NCS1: variants seen among roughly 807,000 people sequenced by gnomAD.
NCS1 encodes the protein neuronal calcium sensor 1, also known as frequenin homolog.
A neutral mutation model predicts 28.4 loss-of-function variants in NCS1; 6 were observed. The observed-to-expected ratio is 0.21, with a 90% CI of 0.12 to 0.42. The LOEUF is 0.42. Among genes scored for constraint, NCS1 ranks in the 10% least tolerant of loss-of-function variants. The probability of loss-of-function intolerance (pLI) is 1.00; values close to 1 mark genes in which losing one functional copy is unlikely to be tolerated. For synonymous variants in NCS1, 86 were observed against 99.3 expected (o/e 0.87, Z 0.79); for missense variants, 131 against 241.4 (o/e 0.54, Z 3.03).
intron 2 of NCS1, among the ~76,000 whole-genome samples, chr9:130,203,536 C>T (rs1230392941): frequency 2.6e-5 from 4 of 152,094 alleles, no homozygotes; most frequent in East Asian, 1.9e-4. Context: ...GCTGGGTGGC[C>T]GGTAAGGGAC....
At chr9:130,217,381 G>T (rs1228415186) in intron 2 of NCS1, among the ~76,000 whole-genome samples, 1 of 152,176 alleles carries the variant, frequency 6.6e-6, no homozygotes, top group African/African-American at 2.4e-5. Context: ...TCCATATGGT[G>T]GTCTACCCAC....
intron 1 of NCS1, among the ~76,000 whole-genome samples, chr9:130,183,816 C>G (rs1199691058): frequency 7.1e-5 from 9 of 125,926 alleles, no homozygotes; most frequent in Non-Finnish European, 1.4e-4. Context: ...TCTTTTCTTT[C>G]TTTTTTTTTT....
intron 1 of NCS1, chr9:130,200,563 C>T: frequency 6.4e-7 from 1 of 1,551,672 alleles, no homozygotes; most frequent in Non-Finnish European, 8.7e-7. Flanking sequence ...CTGGGGAAGC[C>T]AGGGCCTTCC....
intron 2 of NCS1, among the ~76,000 whole-genome samples, chr9:130,201,218 G>A (rs797025947): frequency 7.2e-5 from 11 of 152,308 alleles, no homozygotes; most frequent in African/African-American, 2.6e-4. Context: ...CTTGCTTTGA[G>A]TTGCATCTTT....
At chr9:130,227,407 G>A (rs1833430722) in intron 7 of NCS1, among the ~76,000 whole-genome samples, 1 of 152,186 alleles carries the variant, frequency 6.6e-6, no homozygotes, top group Non-Finnish European at 1.5e-5. Flanking sequence ...CCTGCTGTTG[G>A]TGTATATGTA....
In NCS1 at chr9:130,224,569, AT is replaced by A. The variant is rs200878480; in HGVS notation, c.474+1411del. ...GTGAGACTGTCTCAAAAGAAAAAAA[AT>A]AAAATAAAAGGAACCATAGACACTG... On this transcript the variant is annotated intron_variant, in intron 6 of 7. Coordinates refer to ENST00000372398, the MANE Select transcript of NCS1 (RefSeq NM_014286.4). Among the ~76,000 whole-genome samples the A allele has an allele frequency of 8.0e-3, 1,177 of 147,818 alleles. 25 individuals carry two copies. Among genetic ancestry groups the A allele is most frequent in the African/African-American group, 0.025 (1,009 of 40,336 alleles).
rs1294532298 is a variant in NCS1 at position 130,181,613 on chromosome 9, C to T, written c.64+8886C>T. Among the ~76,000 whole-genome samples the T allele has an allele frequency of 6.6e-6, 1 of 152,170 alleles. No homozygotes were observed. The highest frequency in any genetic ancestry group is 1.5e-5 in the Non-Finnish European group (1 of 68,024). Reference sequence around the variant, plus strand: ...TGCCATTGGGGTCTGATCCCCGTCCCCTCTCAGCCTGGAGTCTGCACACTG... The same window carrying T: ...TGCCATTGGGGTCTGATCCCCGTCCTCTCTCAGCCTGGAGTCTGCACACTG... On this transcript the variant is annotated intron_variant, in intron 1 of 7. Coordinates refer to ENST00000372398, the MANE Select transcript of NCS1 (RefSeq NM_014286.4). The surrounding 1 kb of genome is among the most constrained non-coding windows in gnomAD (Gnocchi z 5.0).
At chr9:130,227,464 G>A (rs542057879) in intron 7 of NCS1, among the ~76,000 whole-genome samples, 11 of 152,346 alleles carry the variant, frequency 7.2e-5, no homozygotes, top group Middle Eastern at 3.4e-3. Flanking sequence ...TTTAGCTTTG[G>A]TAGTTACTAG....
rs772195304 is a variant in NCS1 at position 130,217,425 on chromosome 9, A to C, written c.90-407A>C. ...GCAGCAGCCCACCCAGCCTGATGCC[A>C]GGAGGGGCTCAGCAGAGAAGGTGGG... On this transcript the variant is annotated intron_variant, in intron 2 of 7. Coordinates refer to ENST00000372398, the MANE Select transcript of NCS1 (RefSeq NM_014286.4). 5.3e-4 allele frequency among the ~76,000 whole-genome samples: 80 copies of C among 152,160 alleles called. 1 individual carries two copies. Among genetic ancestry groups the C allele is most frequent in the Non-Finnish European group, 9.7e-4 (66 of 68,036 alleles).
At chr9:130,225,469 G>A (rs1833398936) in intron 6 of NCS1, among the ~76,000 whole-genome samples, 1 of 152,268 alleles carries the variant, frequency 6.6e-6, no homozygotes, top group Non-Finnish European at 1.5e-5. Flanking sequence ...TTAAGGCCAA[G>A]GCCGCACATT....
chr9:130,202,354 A>AACCCCCCCCCCCCCCCCCCCG (rs1832961610), intron 2 of NCS1, among the ~76,000 whole-genome samples: 1 of 113,338 alleles, frequency 8.8e-6, no homozygotes, highest in Non-Finnish European at 1.8e-5. Context: ...CCTCCCCCCC[A>AACCCCCCCCCCCCCCCCCCCG]CCCCCTGAAA....
intron 2 of NCS1, among the ~76,000 whole-genome samples, chr9:130,208,430 C>T (rs1030034974): frequency 6.6e-6 from 1 of 151,990 alleles, no homozygotes; most frequent in East Asian, 1.9e-4. Context: ...AGGCACCCAC[C>T]ACCACGCCTG....
intron 4 of NCS1, among the ~76,000 whole-genome samples, chr9:130,220,068 A>T (rs545125202): frequency 6.6e-6 from 1 of 152,130 alleles, no homozygotes; most frequent in Admixed American, 6.5e-5. Flanking sequence ...TCCTGGAGGC[A>T]CCGGCAGCAG....
intron 7 of NCS1, among the ~76,000 whole-genome samples, chr9:130,229,248 C>T (rs1225494793): frequency 6.7e-6 from 1 of 150,154 alleles, no homozygotes; most frequent in Non-Finnish European, 1.5e-5. Flanking sequence ...AAGGAACTAT[C>T]ACTGTTATTA....
intron 1 of NCS1, among the ~76,000 whole-genome samples, chr9:130,199,481 A>T (rs112587811): frequency 0.047 from 7,146 of 152,246 alleles, 572 homozygotes; most frequent in African/African-American, 0.16. Context: ...AGTGCTGACC[A>T]GCACGGGGAT....
Position 130,213,430 on chromosome 9 carries a change from C to T in NCS1, c.90-4402C>T, listed in dbSNP as rs537991629. Among the ~76,000 whole-genome samples, 14 of 150,154 alleles carry T rather than the reference C, an allele frequency of 9.3e-5. 1 individual carries two copies. The highest frequency in any genetic ancestry group is 7.3e-4 in the Admixed American group (11 of 15,010). Reference sequence around the variant, plus strand: ...GTAGCTGGGACTTACAGGCGCCCGCCACCACGCCCGGCTAATTTTTTTGTA... The same window carrying T: ...GTAGCTGGGACTTACAGGCGCCCGCTACCACGCCCGGCTAATTTTTTTGTA... On this transcript the variant is annotated intron_variant, in intron 2 of 7. Coordinates refer to ENST00000372398, the MANE Select transcript of NCS1 (RefSeq NM_014286.4).
chr9:130,226,263 C>CTGAG lies in NCS1; in HGVS notation c.475-125_475-122dup. 1 of 782,980 alleles carries CTGAG rather than the reference C, an allele frequency of 1.3e-6. No homozygotes were observed. The highest frequency in any genetic ancestry group is 1.4e-5 in the South Asian group (1 of 69,042). 48.5% of individuals were successfully genotyped at this position (782,980 alleles called of 1,614,324 possible). On this transcript the variant is annotated intron_variant, in intron 6 of 7. Transcript: ENST00000372398. The surrounding 1 kb of genome is among the most constrained non-coding windows in gnomAD (Gnocchi z 4.8). ...GTCTGGTGCTGGCTGCTTGTAGGCC[C>CTGAG]TGAGCCACGTTGCCTCCCTCCTGAT...
intron 2 of NCS1, among the ~76,000 whole-genome samples, chr9:130,203,684 C>T (rs1198968065): frequency 6.6e-6 from 1 of 152,196 alleles, no homozygotes; most frequent in Non-Finnish European, 1.5e-5. Context: ...GGGCCTCTTC[C>T]AGGGCAGGGA....
rs1554905252 is a variant in NCS1, at chr9:130,182,815, G to A, written c.64+10088G>A. Among the ~76,000 whole-genome samples the A allele has an allele frequency of 2.6e-5, 4 of 152,238 alleles. No homozygotes were observed. The East Asian group carries it at 7.7e-4, about 29-fold the overall frequency. On this transcript the variant is annotated intron_variant, in intron 1 of 7. Transcript: ENST00000372398. Reference sequence around the variant, plus strand: ...ACGGACAAGGTGGTGAGGACTGAGTGCCCCTGGCCATCCTGCCCTGCCCTG... The same window carrying A: ...ACGGACAAGGTGGTGAGGACTGAGTACCCCTGGCCATCCTGCCCTGCCCTG...
Sources: allele counts gnomAD v4.1 joint callset (sites outside exome capture counted in the v4.1 genomes callset), GRCh38; gene constraint gnomAD v4.1.1; non-coding constraint Gnocchi (gnomAD v3.1); transcripts MANE v1.5; gene names NCBI Gene and HGNC (gene_info 2026-07-23, HGNC 2026-07-21).